The following LDHAL6A variants were observed in gnomAD, a reference collection of about 807,000 sequenced individuals.
LDHAL6A encodes the protein L-lactate dehydrogenase A-like 6A.
Under a neutral mutation model 28.2 loss-of-function variants are expected in LDHAL6A, and 19 were observed. That is an observed-to-expected ratio of 0.67 (90% CI 0.47 to 0.99). The LOEUF is 0.99. LDHAL6A is among the 50% of genes least tolerant of loss of function. LDHAL6A has a pLI of 0.00. For missense variants in LDHAL6A, 372 were observed against 398.6 expected (o/e 0.93, Z 0.57); for synonymous variants, 144 against 134.4 (o/e 1.07, Z -0.49).
rs1459090899 is a variant in LDHAL6A, at chr11:18,477,711, A to C, written c.802A>C (p.Arg268=). The change falls in exon 6 of 7, where the codon AGG becomes CGG. Residue 268 remains arginine, a synonymous_variant. Transcript: ENST00000280706. ...AACAGAAAGTATTTTGAAGAATCTTAGGAGAGTGCATCCAGTTTCTACCCT... is the reference window on the plus strand; with the variant it reads ...AACAGAAAGTATTTTGAAGAATCTTCGGAGAGTGCATCCAGTTTCTACCCT... ...DLTESILKNL[R]RVHPVSTLSK... The C allele has an allele frequency of 6.2e-7, 1 of 1,611,124 alleles. No homozygotes were observed. The highest frequency in any genetic ancestry group is 2.2e-5 in the East Asian group (1 of 44,760).
chr11:18,470,059 G>A (rs781004933), intron 3 of LDHAL6A, among the ~76,000 whole-genome samples: 1 of 152,118 alleles, frequency 6.6e-6, no homozygotes. Context: ...TTCCCAAGTA[G>A]CTGGGATTAC....
Position 18,456,510 on chromosome 11 carries a change from T to C in LDHAL6A, c.-171T>C, listed in dbSNP as rs557579646. On this transcript the variant is annotated 5_prime_UTR_variant, in exon 1 of 7. Transcript: ENST00000280706. ...CTGCCTGGCCAGAACCTACCCAGCT[T>C]CTTTGCTGGTCAGATTTGTCGGTCT... 5.0e-6 allele frequency: 3 copies of C among 602,932 alleles called. No individual in the cohort carries two copies. The African/African-American group carries it at 5.6e-5, about 11-fold the overall frequency. 37.3% of individuals were successfully genotyped at this position (602,932 alleles called of 1,614,324 possible).
chr11:18,464,303 A>C (rs1184204804), intron 2 of LDHAL6A, among the ~76,000 whole-genome samples: 1 of 152,218 alleles, frequency 6.6e-6, no homozygotes. Context: ...AGTTATCATG[A>C]CAGCTACAAT....
At chr11:18,459,214 C>T (rs186217354) in intron 1 of LDHAL6A, among the ~76,000 whole-genome samples, 1 of 152,236 alleles carries the variant, frequency 6.6e-6, no homozygotes, top group African/African-American at 2.4e-5. Context: ...GGGTGAGCAC[C>T]ATCTAATCAG....
chr11:18,464,321 C>G (rs976600868), intron 2 of LDHAL6A, among the ~76,000 whole-genome samples: 5 of 152,154 alleles, frequency 3.3e-5, no homozygotes, highest in Non-Finnish European at 7.4e-5. Flanking sequence ...AATGAACTGA[C>G]TGCCTATTGT....
At position 18,456,347 on chromosome 11, in the gene LDHAL6A, G is replaced by C; in HGVS notation, c.-334G>C. On this transcript the variant is annotated 5_prime_UTR_variant, in exon 1 of 7. Transcript: ENST00000280706. Reference sequence around the variant, plus strand: ...GGGGAGAGAAAAGGGGGTCAGCTGCGGGACGGAGTGCCGTCCCAGCTGTAG... The same window carrying C: ...GGGGAGAGAAAAGGGGGTCAGCTGCCGGACGGAGTGCCGTCCCAGCTGTAG... 2 of 239,508 alleles carry C rather than the reference G, an allele frequency of 8.4e-6. No individual in the cohort carries two copies. The highest frequency in any genetic ancestry group is 1.1e-4 in the South Asian group (2 of 18,978). 14.8% of individuals were successfully genotyped at this position (239,508 alleles called of 1,614,324 possible). A position where few individuals can be genotyped will look rare whatever the true frequency, so the allele number is the denominator to read the frequency against.
chr11:18,478,980 A>C lies in LDHAL6A; in HGVS notation c.*110A>C. The C allele has an allele frequency of 1.0e-6, 1 of 954,462 alleles. No individual in the cohort carries two copies. Among genetic ancestry groups the C allele is most frequent in the Admixed American group, 2.3e-5 (1 of 42,668 alleles). 59.1% of individuals were successfully genotyped at this position (954,462 alleles called of 1,614,324 possible). On this transcript the variant is annotated 3_prime_UTR_variant, in exon 7 of 7. Coordinates refer to ENST00000280706, the MANE Select transcript of LDHAL6A (RefSeq NM_144972.5). ...TTCTAAAAGTTGGAAAAATAGAGGA[A>C]AGAGTGACCTATTTAGTATAGCCTT...
chr11:18,470,690 CTT>C (rs573072507), intron 3 of LDHAL6A, among the ~76,000 whole-genome samples: 11 of 143,690 alleles, frequency 7.7e-5, no homozygotes, highest in Non-Finnish European at 9.2e-5. Flanking sequence ...ACCTAGCACA[CTT>C]TTTTTTTTTT....
intron 1 of LDHAL6A, among the ~76,000 whole-genome samples, chr11:18,457,563 G>A (rs55971489): frequency 0.031 from 4,757 of 152,142 alleles, 269 homozygotes; most frequent in African/African-American, 0.11. Flanking sequence ...ATGGCACTAA[G>A]GACAGCAGCC....
At chr11:18,475,313 C>T (rs930832239) in intron 3 of LDHAL6A, 153 bp from the exon 4 acceptor site, 2 of 603,278 alleles carry the variant, frequency 3.3e-6, no homozygotes, top group African/African-American at 1.9e-5. Flanking sequence ...GGTAGATATT[C>T]TTAAGAGTTG....
intron 3 of LDHAL6A, among the ~76,000 whole-genome samples, chr11:18,474,057 T>G (rs562164325): frequency 6.6e-6 from 1 of 152,250 alleles, no homozygotes; most frequent in East Asian, 1.9e-4. Context: ...GGGTGAAGCT[T>G]CTTCTTAAAG....
chr11:18,472,451 A>G (rs979311324), intron 3 of LDHAL6A, among the ~76,000 whole-genome samples: 2 of 152,198 alleles, frequency 1.3e-5, no homozygotes, highest in Non-Finnish European at 2.9e-5. Flanking sequence ...TTTAGAAAAC[A>G]CTGTTTCAGA....
intron 2 of LDHAL6A, among the ~76,000 whole-genome samples, chr11:18,464,977 G>GTGTTTTTTTTTTTTT (rs1849013557): frequency 1.6e-5 from 2 of 125,490 alleles, no homozygotes; most frequent in African/African-American, 6.7e-5. Flanking sequence ...TGTTTTTTTT[G>GTGTTTTTTTTTTTTT]TTTTTTTTTG....
intron 3 of LDHAL6A, among the ~76,000 whole-genome samples, chr11:18,469,914 T>TC (rs976800993): frequency 6.6e-6 from 1 of 151,998 alleles, no homozygotes; most frequent in Admixed American, 6.6e-5. Flanking sequence ...AAAGATTTTT[T>TC]CCCCCCCGAA....
chr11:18,458,523 A>G (rs1356723118), intron 1 of LDHAL6A, among the ~76,000 whole-genome samples: 1 of 152,194 alleles, frequency 6.6e-6, no homozygotes, highest in Non-Finnish European at 1.5e-5. Flanking sequence ...AATAGGGTAC[A>G]CAATCCCCCT....
At chr11:18,474,969 G>A (rs61882903) in intron 3 of LDHAL6A, among the ~76,000 whole-genome samples, 25,373 of 151,960 alleles carry the variant, frequency 0.17, 2,699 homozygotes, top group East Asian at 0.42. Flanking sequence ...GGCCAGGCAC[G>A]GTGGCTCACG....
At position 18,456,718 on chromosome 11, in the gene LDHAL6A, C is replaced by T. The variant is rs759714342; in HGVS notation, c.38C>T (p.Ala13Val). ...AAGAGTGAACTTATTAAGAATTTCG[C>T]GGAAGAGGAGGCCATTCATCACAAT... ...TIKSELIKNF[A>V]EEEAIHHNKI... is the part of the protein sequence containing the mutation. Residue 13 changes from alanine to valine, a missense_variant, in exon 1 of 7, where the codon GCG (alanine) becomes GTG (valine). By Grantham distance (64) the Ala-to-Val change is moderately conservative. Coordinates refer to ENST00000280706, the MANE Select transcript of LDHAL6A (RefSeq NM_144972.5). 9 of 1,613,776 alleles carry T rather than the reference C, an allele frequency of 5.6e-6. No individual in the cohort carries two copies. In the East Asian group the frequency reaches 1.1e-4, roughly 20 times the overall value.
intron 1 of LDHAL6A, among the ~76,000 whole-genome samples, chr11:18,458,373 T>G (rs1023185550): frequency 1.3e-5 from 2 of 152,190 alleles, no homozygotes; most frequent in Non-Finnish European, 2.9e-5. Context: ...AGGCTTAAAA[T>G]GCCACCTGTA....
chr11:18,471,038 C>T (rs1849244713), intron 3 of LDHAL6A, among the ~76,000 whole-genome samples: 1 of 152,168 alleles, frequency 6.6e-6, no homozygotes, highest in South Asian at 2.1e-4. Flanking sequence ...AGTCTATTTT[C>T]AGACTTTTAG....
Sources: allele counts gnomAD v4.1 joint callset (sites outside exome capture counted in the v4.1 genomes callset), GRCh38; gene constraint gnomAD v4.1.1; transcripts MANE v1.5; gene names NCBI Gene and HGNC (gene_info 2026-07-23, HGNC 2026-07-21).